Variants in SFI1 observed in about 807,000 individuals in gnomAD.
SFI1 encodes SFI1 centrin binding protein, also known as protein SFI1 homolog.
In SFI1, 195 loss-of-function variants were observed where a neutral mutation model predicts 207.5. That is an observed-to-expected ratio of 0.94 (90% confidence interval 0.84 to 1.06). The LOEUF (loss-of-function observed/expected upper bound fraction) is 1.06, where lower values mean the gene tolerates loss of function less well. Ranked by LOEUF, SFI1 falls within the 50% of genes least tolerant of loss-of-function variation. The pLI is 0.00. For synonymous variants in SFI1, 630 were observed against 598.9 expected (o/e 1.05, Z -0.76); for missense variants, 1,634 against 1,588.0 (o/e 1.03, Z -0.49).
chr22:31,510,466 T>G (rs2055331512), intron 2 of SFI1, among the ~76,000 whole-genome samples: 1 of 152,116 alleles, frequency 6.6e-6, no homozygotes, highest in Admixed American at 6.6e-5. Context: ...GGAGTCTCAC[T>G]CTTGTCACCC....
intron 2 of SFI1, among the ~76,000 whole-genome samples, chr22:31,511,765 G>A (rs968068600): frequency 1.3e-5 from 2 of 152,012 alleles, no homozygotes; most frequent in South Asian, 4.1e-4. Context: ...TGATTCTCCT[G>A]CCTTAATCTC....
intron 15 of SFI1, among the ~76,000 whole-genome samples, chr22:31,591,470 A>G (rs1254017904): frequency 1.3e-5 from 2 of 151,766 alleles, no homozygotes; most frequent in African/African-American, 4.8e-5. Flanking sequence ...CCCGTTCTCA[A>G]TGAGCTATTG....
At chr22:31,581,619 A>G (rs938517942) in intron 12 of SFI1, among the ~76,000 whole-genome samples, 4 of 152,074 alleles carry the variant, frequency 2.6e-5, no homozygotes, top group African/African-American at 4.8e-5. Flanking sequence ...TTGTGTTTCT[A>G]TTGTAAGTCT....
intron 15 of SFI1, among the ~76,000 whole-genome samples, chr22:31,593,278 A>T (rs1337740316): frequency 7.5e-6 from 1 of 133,328 alleles, no homozygotes; most frequent in Non-Finnish European, 1.6e-5. Context: ...CACTTCTCAG[A>T]CGGGGCGGCC....
intron 16 of SFI1, 81 bp from the exon 17 acceptor site, chr22:31,602,526 G>T: frequency 6.6e-7 from 1 of 1,506,584 alleles, no homozygotes; most frequent in Non-Finnish European, 9.2e-7. Flanking sequence ...GTCATTATTT[G>T]TGGCCTGTAA....
chr22:31,590,979 A>ATTTTTTTTT (rs201390550), intron 15 of SFI1, among the ~76,000 whole-genome samples: 2 of 142,130 alleles, frequency 1.4e-5, no homozygotes, highest in African/African-American at 5.4e-5. Context: ...TTATTTATTT[A>ATTTTTTTTT]TTTTTTTATT....
chr22:31,579,282 C>G (rs1478583930), intron 11 of SFI1, among the ~76,000 whole-genome samples: 1 of 151,452 alleles, frequency 6.6e-6, no homozygotes, highest in Non-Finnish European at 1.5e-5. Flanking sequence ...CAGCTGGGAC[C>G]ACAGGCACAT....
intron 4 of SFI1, among the ~76,000 whole-genome samples, chr22:31,545,781 A>G (rs2060024920): frequency 1.4e-5 from 2 of 142,566 alleles, no homozygotes; most frequent in East Asian, 2.2e-4. Flanking sequence ...GGGTTTTACT[A>G]TGCTGGCCAG....
At position 31,531,039 on chromosome 22, in the gene SFI1, C is replaced by A; in HGVS notation, c.267-19C>A. The A allele has an allele frequency of 6.2e-7, 1 of 1,602,010 alleles. No homozygotes were observed. The highest frequency in any genetic ancestry group is 8.5e-7 in the Non-Finnish European group (1 of 1,174,310). ...AATGGAATTTTAAAATATGTATATGCTTTTTTTCCTTCTTTCAGATGCGTG... is the reference window on the plus strand; with the variant it reads ...AATGGAATTTTAAAATATGTATATGATTTTTTTCCTTCTTTCAGATGCGTG... On this transcript the variant is annotated intron_variant, in intron 3 of 32. Transcript: ENST00000400288.
At chr22:31,528,626 G>T in intron 2 of SFI1, 64 bp from the exon 3 acceptor site, 4 of 1,442,910 alleles carry the variant, frequency 2.8e-6, no homozygotes, top group Non-Finnish European at 3.8e-6. Context: ...TATATTAAAA[G>T]TATTTGCATC....
At chr22:31,608,351 CTT>C (rs2069441378) in intron 22 of SFI1, among the ~76,000 whole-genome samples, 2 of 152,152 alleles carry the variant, frequency 1.3e-5, no homozygotes, top group Admixed American at 1.3e-4. Context: ...TTGCTCCAGT[CTT>C]TGCCCCATCT....
chr22:31,588,739 G>A (rs781300127), intron 14 of SFI1, among the ~76,000 whole-genome samples: 124 of 151,936 alleles, frequency 8.2e-4, no homozygotes, highest in African/African-American at 2.9e-3. Flanking sequence ...CTTGAACCCG[G>A]GAGGCGGAGG....
chr22:31,564,074 TC>T (rs2062004605), intron 8 of SFI1, among the ~76,000 whole-genome samples: 1 of 150,494 alleles, frequency 6.6e-6, no homozygotes, highest in African/African-American at 2.4e-5. Context: ...ACACCTGTAA[TC>T]CCAGCACTTT....
chr22:31,549,830 C>CT (rs555982116), intron 5 of SFI1, among the ~76,000 whole-genome samples: 176 of 136,268 alleles, frequency 1.3e-3, no homozygotes, highest in South Asian at 0.013. Flanking sequence ...GCAGATATGG[C>CT]TTTTTTTTTT....
intron 2 of SFI1, among the ~76,000 whole-genome samples, chr22:31,523,179 C>T (rs1261852736): frequency 1.3e-5 from 2 of 152,088 alleles, no homozygotes; most frequent in African/African-American, 2.4e-5. Context: ...GGATACATAT[C>T]TCATTGTAGT....
At position 31,613,449 on chromosome 22, in the gene SFI1, G is replaced by C; in HGVS notation, c.2661G>C (p.Gln887His). 1 of 1,607,494 alleles carries C rather than the reference G, an allele frequency of 6.2e-7. No homozygotes were observed. The highest frequency in any genetic ancestry group is 1.1e-5 in the South Asian group (1 of 91,022). ...ALQAYQGQLL[Q>H]EGATRLLRFA... ...AGGCCTACCAGGGGCAGCTCCTCCA[G>C]GAGGGTGCCACGCGGCTCCTGCGCT... The change falls in exon 26 of 33, where the codon CAG becomes CAC. Residue 887 changes from glutamine (Q) to histidine (H), a missense_variant. Coordinates refer to ENST00000400288, the MANE Select transcript of SFI1 (RefSeq NM_001007467.3).
chr22:31,516,176 ATCT>A (rs2056466075), intron 2 of SFI1, among the ~76,000 whole-genome samples: 1 of 152,052 alleles, frequency 6.6e-6, no homozygotes, highest in Non-Finnish European at 1.5e-5. Flanking sequence ...TGTGATAAAT[ATCT>A]TCTCCCTCTG....
chr22:31,605,055 T>G, intron 20 of SFI1, 110 bp downstream of exon 20: 2 of 901,178 alleles, frequency 2.2e-6, no homozygotes, highest in Non-Finnish European at 3.3e-6. Context: ...TGATCCCGGG[T>G]TCCTAGTCGC....
intron 4 of SFI1, among the ~76,000 whole-genome samples, chr22:31,536,904 T>G (rs1230889809): frequency 1.3e-5 from 2 of 151,948 alleles, no homozygotes; most frequent in African/African-American, 2.4e-5. Context: ...TTTGTTTTTT[T>G]TTTTAAAATT....
Sources: gnomAD v4.1 joint callset for allele counts (sites outside exome capture counted in the v4.1 genomes callset) on GRCh38, gnomAD v4.1.1 for gene constraint, MANE v1.5 for transcripts, NCBI Gene and HGNC (gene_info 2026-07-23, HGNC 2026-07-21) for gene names.